TMEM244: variants seen among roughly 807,000 people sequenced by gnomAD.
TMEM244 encodes putative transmembrane protein 244.
In TMEM244, 13 loss-of-function variants were observed where a neutral mutation model predicts 15.8. The ratio of observed to expected loss-of-function variants is 0.82; its 90% CI spans 0.53 to 1.30. The LOEUF (loss-of-function observed/expected upper bound fraction) is 1.30, where lower values mean the gene tolerates loss of function less well. Among genes scored for constraint, TMEM244 ranks in the 50% most tolerant of loss-of-function variants. TMEM244 has a pLI of 0.00. For synonymous variants in TMEM244, 45 were observed against 48.7 expected (o/e 0.92, Z 0.32); for missense variants, 161 against 144.9 (o/e 1.11, Z -0.57).
chr6:129,838,161 C>A (rs1776435362), intron 3 of TMEM244, among the ~76,000 whole-genome samples: 1 of 152,188 alleles, frequency 6.6e-6, no homozygotes, highest in Non-Finnish European at 1.5e-5. Flanking sequence ...AAATTCACCA[C>A]ATAATTGGTA....
chr6:129,852,393 T>C (rs1776647087), intron 1 of TMEM244, among the ~76,000 whole-genome samples: 1 of 152,160 alleles, frequency 6.6e-6, no homozygotes, highest in African/African-American at 2.4e-5. Flanking sequence ...TTGCAAACCT[T>C]ATCTCCTTTA....
intron 2 of TMEM244, among the ~76,000 whole-genome samples, chr6:129,845,200 A>G (rs1474006181): frequency 1.3e-5 from 2 of 152,236 alleles, no homozygotes; most frequent in Non-Finnish European, 2.9e-5. Flanking sequence ...AAGATGATTC[A>G]GAAAGTTAGT....
chr6:129,842,873 G>T (rs754675164), intron 3 of TMEM244, among the ~76,000 whole-genome samples: 1 of 150,704 alleles, frequency 6.6e-6, no homozygotes, highest in Non-Finnish European at 1.5e-5. Flanking sequence ...TAGGTGTGAA[G>T]GTTTACAAAC....
intron 1 of TMEM244, among the ~76,000 whole-genome samples, chr6:129,857,063 A>T (rs941828942): frequency 2.6e-5 from 4 of 151,920 alleles, no homozygotes; most frequent in Non-Finnish European, 5.9e-5. Flanking sequence ...CTTCCATTAC[A>T]TTATCTAACT....
chr6:129,854,414 A>T (rs1322185850), intron 1 of TMEM244, among the ~76,000 whole-genome samples: 1 of 152,210 alleles, frequency 6.6e-6, no homozygotes, highest in Non-Finnish European at 1.5e-5. Flanking sequence ...AAGTGTTGAC[A>T]TTCTGCCCAA....
intron 3 of TMEM244, among the ~76,000 whole-genome samples, chr6:129,840,548 G>A (rs1002431226): frequency 1.3e-5 from 2 of 152,148 alleles, no homozygotes; most frequent in African/African-American, 4.8e-5. Context: ...AACCCCAAAA[G>A]CAATGGCAAC....
intron 1 of TMEM244, among the ~76,000 whole-genome samples, chr6:129,857,421 T>C (rs1227187104): frequency 6.6e-6 from 1 of 151,944 alleles, no homozygotes; most frequent in African/African-American, 2.4e-5. Context: ...AATGGTGAGA[T>C]CTCAGCTCAC....
At chr6:129,837,192 C>A (rs893414366) in intron 3 of TMEM244, among the ~76,000 whole-genome samples, 5 of 152,150 alleles carry the variant, frequency 3.3e-5, no homozygotes, top group Non-Finnish European at 7.4e-5. Flanking sequence ...GGGTTACCCA[C>A]AAAGGGAAGC....
chr6:129,841,009 T>A (rs1197456110), intron 3 of TMEM244, among the ~76,000 whole-genome samples: 2 of 152,164 alleles, frequency 1.3e-5, no homozygotes, highest in Non-Finnish European at 2.9e-5. Flanking sequence ...TGCGGAAGAC[T>A]GTGTGGCGAT....
intron 1 of TMEM244, among the ~76,000 whole-genome samples, chr6:129,848,538 A>G (rs143597177): frequency 8.1e-4 from 123 of 152,274 alleles, no homozygotes; most frequent in African/African-American, 2.9e-3. Flanking sequence ...GAAGGAATCA[A>G]TCTGGAAATA....
At chr6:129,846,603 A>T (rs564589114) in intron 1 of TMEM244, among the ~76,000 whole-genome samples, 1 of 152,284 alleles carries the variant, frequency 6.6e-6, no homozygotes, top group East Asian at 1.9e-4. Flanking sequence ...CTAAATGCCA[A>T]TATTTGTATT....
At chr6:129,831,663 C>T (rs1776330473) in intron 4 of TMEM244, among the ~76,000 whole-genome samples, 1 of 152,132 alleles carries the variant, frequency 6.6e-6, no homozygotes, top group Non-Finnish European at 1.5e-5. Context: ...CTCGGGCCGT[C>T]CTGAATCCTC....
rs1776520570 is a variant in TMEM244, at chr6:129,843,599, G to T, written c.124C>A (p.His42Asn). ...AATGGAGCCAGGACATTCAACTCAT[G>T]CACCCTAAAGATGTTATAAGTGAAA... ...LSMGCVMFEV[H>N]ELNVLAPFDF... The change falls in exon 3 of 5, where the codon CAT (histidine) becomes AAT (asparagine). Residue 42 changes from histidine to asparagine, a missense_variant. Coordinates refer to ENST00000368143, the MANE Select transcript of TMEM244 (RefSeq NM_001010876.2). 2 of 1,610,116 alleles carry T rather than the reference G, an allele frequency of 1.2e-6. No homozygotes were observed. Among genetic ancestry groups the T allele is most frequent in the Middle Eastern group, 1.6e-4 (1 of 6,068 alleles).
chr6:129,839,678 C>A (rs1184151920), intron 3 of TMEM244, among the ~76,000 whole-genome samples: 1 of 152,170 alleles, frequency 6.6e-6, no homozygotes, highest in Non-Finnish European at 1.5e-5. Flanking sequence ...ATTTAGAAAA[C>A]CCCATTGTCT....
Position 129,861,291 on chromosome 6 carries a change from G to A in TMEM244, c.-103C>T. 1.5e-6 allele frequency: 2 copies of A among 1,356,868 alleles called. No individual in the cohort carries two copies. The highest frequency in any genetic ancestry group is 2.3e-5 in the East Asian group (1 of 43,168). 84.1% of individuals were successfully genotyped at this position (1,356,868 alleles called of 1,614,324 possible). On this transcript the variant is annotated 5_prime_UTR_variant, in exon 1 of 5. Transcript: ENST00000368143. Reference sequence around the variant, plus strand: ...ACCGTGAGCTTTTCAATTACTCCTGGAGACTAAGTGTGAGACGCAGTAGTG... The same window carrying A: ...ACCGTGAGCTTTTCAATTACTCCTGAAGACTAAGTGTGAGACGCAGTAGTG...
At chr6:129,851,706 A>G (rs1776639415) in intron 1 of TMEM244, among the ~76,000 whole-genome samples, 1 of 152,220 alleles carries the variant, frequency 6.6e-6, no homozygotes, top group Non-Finnish European at 1.5e-5. Flanking sequence ...ATATTGAATT[A>G]ACAAAGTAAA....
chr6:129,853,188 G>A (rs1236564100), intron 1 of TMEM244, among the ~76,000 whole-genome samples: 2 of 152,008 alleles, frequency 1.3e-5, no homozygotes, highest in Non-Finnish European at 2.9e-5. Context: ...TATTTCCTTT[G>A]TGTTCACTCT....
At chr6:129,857,548 G>T (rs12216022) in intron 1 of TMEM244, among the ~76,000 whole-genome samples, 113,825 of 151,668 alleles carry the variant, frequency 0.75, 43,556 homozygotes, top group Non-Finnish European at 0.81. Flanking sequence ...TTAGTAGAGA[G>T]GGGGTTTTGT....
chr6:129,835,446 C>T (rs1273656113), intron 3 of TMEM244, among the ~76,000 whole-genome samples: 3 of 150,700 alleles, frequency 2.0e-5, no homozygotes, highest in African/African-American at 7.3e-5. Context: ...TCCAAGATGG[C>T]TGAATAGGAA....
Sources: gnomAD v4.1 joint callset for allele counts (sites outside exome capture counted in the v4.1 genomes callset) on GRCh38, gnomAD v4.1.1 for gene constraint, MANE v1.5 for transcripts, NCBI Gene and HGNC (gene_info 2026-07-23, HGNC 2026-07-21) for gene names.